The following EPHA6 variants were observed in gnomAD, a reference collection of about 807,000 sequenced individuals.
EPHA6 encodes EPH receptor A6.
A neutral mutation model predicts 112.0 loss-of-function variants in EPHA6; 50 were observed. That is an observed-to-expected ratio of 0.45 (90% CI 0.36 to 0.56). The LOEUF is 0.56. Ranked by LOEUF, EPHA6 falls within the 20% of genes least tolerant of loss-of-function variation. EPHA6 has a pLI of 0.00. For synonymous variants in EPHA6, 529 were observed against 490.7 expected (o/e 1.08, Z -1.03); for missense variants, 1,280 against 1,417.4 (o/e 0.90, Z 1.56).
At chr3:97,479,436 T>A in intron 9 of EPHA6, 72 bp downstream of exon 9, 2 of 992,614 alleles carry the variant, frequency 2.0e-6, no homozygotes, top group Middle Eastern at 4.4e-4. Flanking sequence ...TCAAACTGTA[T>A]CTATTGAGTT....
chr3:97,646,831 C>T (rs1254227100), intron 14 of EPHA6, among the ~76,000 whole-genome samples: 3 of 152,130 alleles, frequency 2.0e-5, no homozygotes, highest in Non-Finnish European at 4.4e-5. Context: ...AGTCTTGGAT[C>T]CATTGTGTGT....
chr3:97,548,675 C>A (rs2092990726), intron 11 of EPHA6, among the ~76,000 whole-genome samples: 3 of 152,180 alleles, frequency 2.0e-5, no homozygotes, highest in African/African-American at 7.2e-5. Flanking sequence ...TAGCAGAATG[C>A]ATGTGAAATT....
intron 5 of EPHA6, among the ~76,000 whole-genome samples, chr3:97,264,485 A>G (rs2079607177): frequency 6.6e-6 from 1 of 152,204 alleles, no homozygotes; most frequent in South Asian, 2.1e-4. Flanking sequence ...AAACTTGGAG[A>G]CATCCGAAAC....
At chr3:97,573,485 T>C (rs1057442684) in intron 11 of EPHA6, among the ~76,000 whole-genome samples, 2 of 152,170 alleles carry the variant, frequency 1.3e-5, no homozygotes, top group African/African-American at 4.8e-5. Flanking sequence ...TGGTATACAA[T>C]GATCAGTTCC....
chr3:97,132,863 C>A (rs2075668899), intron 3 of EPHA6, among the ~76,000 whole-genome samples: 1 of 151,884 alleles, frequency 6.6e-6, no homozygotes, highest in South Asian at 2.1e-4. Flanking sequence ...TCACCCAGGG[C>A]TAAGCTTGCT....
intron 2 of EPHA6, among the ~76,000 whole-genome samples, chr3:96,919,174 C>G (rs971470408): frequency 3.9e-5 from 6 of 151,960 alleles, no homozygotes; most frequent in Non-Finnish European, 8.9e-5. Context: ...AAAGCCTACT[C>G]TTTGCTATGT....
chr3:97,568,751 G>A (rs2093299659), intron 11 of EPHA6, among the ~76,000 whole-genome samples: 1 of 152,142 alleles, frequency 6.6e-6, no homozygotes, highest in Non-Finnish European at 1.5e-5. Context: ...AAGATGGTGA[G>A]GCAGATTTTA....
At chr3:97,395,660 C>T (rs1299409266) in intron 5 of EPHA6, among the ~76,000 whole-genome samples, 4 of 151,538 alleles carry the variant, frequency 2.6e-5, no homozygotes, top group African/African-American at 9.7e-5. Context: ...TAGTATTATT[C>T]TTTATTGACA....
intron 13 of EPHA6, among the ~76,000 whole-genome samples, chr3:97,620,068 C>T (rs1159131054): frequency 6.6e-6 from 1 of 151,914 alleles, no homozygotes; most frequent in Non-Finnish European, 1.5e-5. Context: ...CAAGAACAGA[C>T]ACATAGACCA....
At chr3:97,155,516 G>A (rs2221205) in intron 3 of EPHA6, among the ~76,000 whole-genome samples, 16,475 of 152,122 alleles carry the variant, frequency 0.11, 1,255 homozygotes, top group African/African-American at 0.21. Flanking sequence ...TTAGCAACTT[G>A]AAATACAAAT....
intron 13 of EPHA6, among the ~76,000 whole-genome samples, chr3:97,633,835 GA>G (rs1449392811): frequency 1.3e-5 from 2 of 152,070 alleles, no homozygotes; most frequent in Non-Finnish European, 2.9e-5. Flanking sequence ...TTGAATAAGA[GA>G]ACTGTGTCAT....
At chr3:97,612,121 C>T (rs2093725290) in intron 13 of EPHA6, among the ~76,000 whole-genome samples, 1 of 151,968 alleles carries the variant, frequency 6.6e-6, no homozygotes, top group African/African-American at 2.4e-5. Context: ...TTTCTGTAGC[C>T]ATTCTAAAAA....
At chr3:96,986,723 T>C (rs2043035759) in intron 2 of EPHA6, among the ~76,000 whole-genome samples, 1 of 152,222 alleles carries the variant, frequency 6.6e-6, no homozygotes, top group Non-Finnish European at 1.5e-5. Flanking sequence ...TTTGTTCAGC[T>C]TGTTAACTGC....
rs1048489335 is a variant in EPHA6, at chr3:97,539,015, CTT to C, written c.2386+6474_2386+6475del. 2.7e-4 allele frequency among the ~76,000 whole-genome samples: 41 copies of C among 150,368 alleles called. 1 individual carries two copies. The Middle Eastern group carries it at 0.017, about 63-fold the overall frequency. On this transcript the variant is annotated intron_variant, in intron 11 of 17. Transcript: ENST00000389672. ...TCTTTCTTTCTTTCTTTCTTTCTTTCTTTCTTTCTTTCTTTCTTTCTTGCTTT... is the reference window on the plus strand; with the variant it reads ...TCTTTCTTTCTTTCTTTCTTTCTTTCTCTTTCTTTCTTTCTTTCTTGCTTT...
chr3:97,627,208 GC>G (rs2093865191), intron 13 of EPHA6, among the ~76,000 whole-genome samples: 1 of 151,832 alleles, frequency 6.6e-6, no homozygotes, highest in Admixed American at 6.6e-5. Context: ...ACTACAGTAG[GC>G]CAGGTACTTT....
chr3:97,467,176 A>T (rs1392272262), intron 7 of EPHA6, among the ~76,000 whole-genome samples: 1 of 151,742 alleles, frequency 6.6e-6, no homozygotes, highest in Non-Finnish European at 1.5e-5. Flanking sequence ...GCTCTATATC[A>T]CAGTGCTTAG....
At chr3:97,225,049 G>A (rs977894735) in intron 3 of EPHA6, among the ~76,000 whole-genome samples, 29 of 152,164 alleles carry the variant, frequency 1.9e-4, no homozygotes, top group African/African-American at 6.0e-4. Context: ...TCCGCCTCCC[G>A]GGTTCACGCC....
intron 8 of EPHA6, among the ~76,000 whole-genome samples, chr3:97,475,695 T>C (rs2091349245): frequency 6.6e-6 from 1 of 152,098 alleles, no homozygotes; most frequent in African/African-American, 2.4e-5. Flanking sequence ...GAATTTATAG[T>C]CAATAAGTTA....
chr3:97,084,991 A>C (rs2046848545), intron 3 of EPHA6, among the ~76,000 whole-genome samples: 1 of 152,180 alleles, frequency 6.6e-6, no homozygotes, highest in African/African-American at 2.4e-5. Context: ...TTGATTACAC[A>C]GAAATACTTT....
Sources: allele counts gnomAD v4.1 joint callset (sites outside exome capture counted in the v4.1 genomes callset), GRCh38; gene constraint gnomAD v4.1.1; transcripts MANE v1.5; gene names NCBI Gene and HGNC (gene_info 2026-07-23, HGNC 2026-07-21).